Variants in IMMP2L observed in about 807,000 individuals in gnomAD.
IMMP2L encodes mitochondrial inner membrane protease subunit 2.
In IMMP2L, 18 loss-of-function variants were observed where a neutral mutation model predicts 19.3. That is an observed-to-expected ratio of 0.93 (90% CI 0.64 to 1.38). The LOEUF is 1.38. IMMP2L is among the 40% of genes most tolerant of loss of function. The pLI is 0.00. For synonymous variants in IMMP2L, 76 were observed against 73.0 expected, an observed-to-expected ratio of 1.04 and a Z score of -0.21; for missense variants, 233 against 218.2, an observed-to-expected ratio of 1.07 and a Z score of -0.43.
chr7:111,119,251 A>G (rs1800283511), intron 3 of IMMP2L, among the ~76,000 whole-genome samples: 1 of 152,198 alleles, frequency 6.6e-6, no homozygotes, highest in South Asian at 2.1e-4. Flanking sequence ...CATTCTGGAC[A>G]TACAGGGGCA....
chr7:111,401,724 A>G (rs1001075984), intron 3 of IMMP2L, among the ~76,000 whole-genome samples: 5 of 152,096 alleles, frequency 3.3e-5, no homozygotes, highest in African/African-American at 1.2e-4. Context: ...GAGCAATTCA[A>G]CTGGTAAACC....
intron 2 of IMMP2L, among the ~76,000 whole-genome samples, chr7:111,517,264 T>C (rs1312402194): frequency 6.6e-6 from 1 of 152,104 alleles, no homozygotes; most frequent in Non-Finnish European, 1.5e-5. Context: ...AAGACCTCAA[T>C]GCTAATTAAA....
chr7:110,726,728 T>G (rs746388632), intron 5 of IMMP2L, among the ~76,000 whole-genome samples: 13 of 152,328 alleles, frequency 8.5e-5, no homozygotes, highest in Non-Finnish European at 1.6e-4. Flanking sequence ...TTGATGTGCG[T>G]ATAGACTGGT....
chr7:111,147,099 G>C (rs187908608), intron 3 of IMMP2L, among the ~76,000 whole-genome samples: 14 of 152,016 alleles, frequency 9.2e-5, no homozygotes, highest in African/African-American at 3.4e-4. Context: ...TGCTAATCTT[G>C]TTTTAGAGAC....
chr7:111,026,161 C>T, intron 3 of IMMP2L, among the ~76,000 whole-genome samples: 1 of 152,092 alleles, frequency 6.6e-6, no homozygotes, highest in Non-Finnish European at 1.5e-5. Context: ...CAGTCACAAC[C>T]ATTGTGTAAT....
intron 5 of IMMP2L, among the ~76,000 whole-genome samples, chr7:110,733,110 G>T (rs537203191): frequency 6.6e-5 from 10 of 152,274 alleles, no homozygotes; most frequent in African/African-American, 2.4e-4. Flanking sequence ...TATCAGTTAA[G>T]ATTGGATTAG....
At chr7:111,131,114 G>A (rs920042041) in intron 3 of IMMP2L, among the ~76,000 whole-genome samples, 1 of 151,210 alleles carries the variant, frequency 6.6e-6, no homozygotes, top group Non-Finnish European at 1.5e-5. Flanking sequence ...TTCTAACCAC[G>A]GATATGGCAT....
intron 3 of IMMP2L, among the ~76,000 whole-genome samples, chr7:111,429,033 A>G (rs1444903370): frequency 1.3e-5 from 2 of 152,032 alleles, no homozygotes; most frequent in Admixed American, 6.6e-5. Context: ...ATACATAAGT[A>G]GTTGGATGAA....
chr7:110,848,096 A>C (rs1563021972), intron 5 of IMMP2L, among the ~76,000 whole-genome samples: 1 of 152,164 alleles, frequency 6.6e-6, no homozygotes, highest in Non-Finnish European at 1.5e-5. Flanking sequence ...TGCTCTGTGA[A>C]AGATAATGCC....
chr7:111,518,236 C>A (rs1846036343), intron 2 of IMMP2L, among the ~76,000 whole-genome samples: 1 of 152,054 alleles, frequency 6.6e-6, no homozygotes, highest in South Asian at 2.1e-4. Flanking sequence ...TTCCCCTAAT[C>A]ACAAACCAAC....
intron 3 of IMMP2L, among the ~76,000 whole-genome samples, chr7:111,073,912 T>C (rs536553643): frequency 6.6e-6 from 1 of 152,194 alleles, no homozygotes; most frequent in African/African-American, 2.4e-5. Context: ...AATTGTTGCA[T>C]ATAAGTATGC....
chr7:111,352,972 G>A (rs1027897248), intron 3 of IMMP2L, among the ~76,000 whole-genome samples: 1 of 151,978 alleles, frequency 6.6e-6, no homozygotes, highest in Non-Finnish European at 1.5e-5. Context: ...TGCCTTCCTG[G>A]GCCCATAGGA....
chr7:111,143,376 C>T (rs1483659073), intron 3 of IMMP2L, among the ~76,000 whole-genome samples: 4 of 152,166 alleles, frequency 2.6e-5, no homozygotes, highest in Non-Finnish European at 2.9e-5. Context: ...CAAGGCTATG[C>T]AGCATTCACA....
chr7:111,063,370 A>G (rs1330990326), intron 3 of IMMP2L, among the ~76,000 whole-genome samples: 6 of 152,174 alleles, frequency 3.9e-5, no homozygotes, highest in African/African-American at 1.4e-4. Context: ...GGCCTAGCCC[A>G]CAAAACCATT....
chr7:110,986,171 T>C (rs1442248474), intron 3 of IMMP2L, among the ~76,000 whole-genome samples: 1 of 152,128 alleles, frequency 6.6e-6, no homozygotes, highest in Non-Finnish European at 1.5e-5. Context: ...TGATTCCATC[T>C]ATCTGCTCAG....
At chr7:111,124,562 C>A (rs756604285) in intron 3 of IMMP2L, 1 of 1,613,478 alleles carries the variant, frequency 6.2e-7, no homozygotes, top group South Asian at 1.1e-5. Flanking sequence ...GATATTCCCA[C>A]CATCTATCAG....
intron 3 of IMMP2L, among the ~76,000 whole-genome samples, chr7:111,310,129 C>T (rs917867156): frequency 1.3e-5 from 2 of 151,002 alleles, no homozygotes; most frequent in African/African-American, 2.4e-5. Flanking sequence ...CAGCTACTCG[C>T]GGGGCTGAGG....
intron 5 of IMMP2L, among the ~76,000 whole-genome samples, chr7:110,759,857 T>G (rs1798249328): frequency 6.6e-6 from 1 of 152,246 alleles, no homozygotes; most frequent in Middle Eastern, 3.4e-3. Flanking sequence ...AGAATTGAAC[T>G]TCCTGGCAGA....
chr7:110,892,105 T>C (rs543802846), intron 4 of IMMP2L, among the ~76,000 whole-genome samples: 1 of 152,094 alleles, frequency 6.6e-6, no homozygotes, highest in Non-Finnish European at 1.5e-5. Context: ...TCTCAACCCA[T>C]TGTCTCTCCT....
Sources: gnomAD v4.1 joint callset for allele counts (sites outside exome capture counted in the v4.1 genomes callset) on GRCh38, gnomAD v4.1.1 for gene constraint, MANE v1.5 for transcripts, NCBI Gene and HGNC (gene_info 2026-07-23, HGNC 2026-07-21) for gene names.